Variants in TMEM135 observed in about 807,000 individuals in gnomAD.
TMEM135 encodes the protein transmembrane protein 135.
TMEM135 carries 30 observed loss-of-function variants against 60.3 expected under a neutral mutation model. The observed-to-expected ratio is 0.50, with a 90% CI of 0.37 to 0.68. The LOEUF (loss-of-function observed/expected upper bound fraction) is 0.68. Among genes scored for constraint, TMEM135 ranks in the 30% least tolerant of loss-of-function variants. The probability of loss-of-function intolerance (pLI) is 0.00; values close to 1 mark genes in which losing one functional copy is unlikely to be tolerated. For synonymous variants in TMEM135, 190 were observed against 186.7 expected (o/e 1.02, Z -0.14); for missense variants, 468 against 548.8 (o/e 0.85, Z 1.47).
At chr11:87,271,245 A>G (rs576570487) in intron 6 of TMEM135, among the ~76,000 whole-genome samples, 1 of 152,190 alleles carries the variant, frequency 6.6e-6, no homozygotes, top group Non-Finnish European at 1.5e-5. Context: ...GTTCAATTTG[A>G]TCAATAACCA....
At position 87,324,596 on chromosome 11, in the gene TMEM135, T is replaced by A. The variant is rs766483625; in HGVS notation, c.*3263T>A. 2.3e-5 allele frequency: 10 copies of A among 439,888 alleles called. No individual in the cohort carries two copies. The highest frequency in any genetic ancestry group is 1.7e-4 in the South Asian group (10 of 60,138). 27.2% of individuals were successfully genotyped at this position (439,888 alleles called of 1,614,324 possible). Reference sequence around the variant, plus strand: ...CACCATGCCTGGCTAATATTTATTTTATTTATTTTTTTTTTGTAGAAACAA... The same window carrying A: ...CACCATGCCTGGCTAATATTTATTTAATTTATTTTTTTTTTGTAGAAACAA... On this transcript the variant is annotated 3_prime_UTR_variant, in exon 15 of 15. Coordinates refer to ENST00000305494, the MANE Select transcript of TMEM135 (RefSeq NM_022918.4).
chr11:87,171,336 G>T (rs966702409), intron 5 of TMEM135, among the ~76,000 whole-genome samples: 2 of 117,596 alleles, frequency 1.7e-5, no homozygotes, highest in African/African-American at 6.7e-5. Flanking sequence ...AGACAGTGTA[G>T]TGTTTTTTTT....
chr11:87,175,382 G>C (rs749489209), intron 5 of TMEM135, among the ~76,000 whole-genome samples: 1 of 152,138 alleles, frequency 6.6e-6, no homozygotes, highest in South Asian at 2.1e-4. Context: ...ATTTTGAAAA[G>C]TTGGTGTAGA....
At chr11:87,079,843 C>CTT (rs139184730) in intron 3 of TMEM135, among the ~76,000 whole-genome samples, 6 of 107,936 alleles carry the variant, frequency 5.6e-5, no homozygotes, top group African/African-American at 7.6e-5. Flanking sequence ...CTTTTCTTTT[C>CTT]TTTTTTTTTT....
intron 6 of TMEM135, among the ~76,000 whole-genome samples, chr11:87,275,953 C>T (rs1227362939): frequency 1.3e-5 from 2 of 152,232 alleles, no homozygotes; most frequent in East Asian, 1.9e-4. Flanking sequence ...TGAGCCACCG[C>T]GCCTGGCCGC....
intron 5 of TMEM135, among the ~76,000 whole-genome samples, chr11:87,179,578 A>C (rs774842349): frequency 1.3e-5 from 2 of 152,092 alleles, no homozygotes; most frequent in African/African-American, 4.8e-5. Context: ...TCTTTGTTTC[A>C]TCTTTTAAAT....
intron 5 of TMEM135, among the ~76,000 whole-genome samples, chr11:87,197,846 A>G (rs998607062): frequency 2.0e-5 from 3 of 152,290 alleles, no homozygotes; most frequent in South Asian, 2.1e-4. Context: ...AAGAAAATGT[A>G]TATTTTATTT....
intron 5 of TMEM135, among the ~76,000 whole-genome samples, chr11:87,188,340 G>A (rs1252475247): frequency 3.3e-5 from 5 of 152,110 alleles, no homozygotes. Context: ...TCTGTATTTT[G>A]TCTCGTTTTA....
chr11:87,145,947 T>C (rs560264315), intron 4 of TMEM135, among the ~76,000 whole-genome samples: 19 of 152,320 alleles, frequency 1.2e-4, no homozygotes, highest in African/African-American at 4.1e-4. Flanking sequence ...TTCCCATTTG[T>C]CTATTTTTGT....
At chr11:87,177,599 C>T (rs967564733) in intron 5 of TMEM135, among the ~76,000 whole-genome samples, 1 of 152,016 alleles carries the variant, frequency 6.6e-6, no homozygotes, top group East Asian at 1.9e-4. Flanking sequence ...ATATTTCTAT[C>T]ACTCTAAAAA....
intron 5 of TMEM135, among the ~76,000 whole-genome samples, chr11:87,229,320 C>A (rs1940836369): frequency 6.6e-6 from 1 of 151,894 alleles, no homozygotes; most frequent in Admixed American, 6.6e-5. Context: ...AACCAACCAA[C>A]CAGCCAACCA....
At chr11:87,192,399 CT>C (rs1361997830) in intron 5 of TMEM135, among the ~76,000 whole-genome samples, 3 of 151,494 alleles carry the variant, frequency 2.0e-5, no homozygotes, top group African/African-American at 4.8e-5. Context: ...AAGATTGTTT[CT>C]TTTTTTTGCT....
At chr11:87,141,045 T>C (rs1407885506) in intron 4 of TMEM135, among the ~76,000 whole-genome samples, 1 of 18,972 alleles carries the variant, frequency 5.3e-5, no homozygotes, top group East Asian at 8.2e-3. Flanking sequence ...ACTTTGTTCT[T>C]TTTTTTTTTT....
chr11:87,308,214 A>C (rs1025787423), intron 9 of TMEM135, among the ~76,000 whole-genome samples: 4 of 152,206 alleles, frequency 2.6e-5, no homozygotes, highest in Non-Finnish European at 5.9e-5. Context: ...TTGGCAGATA[A>C]CAGGCATTCA....
chr11:87,073,139 A>G (rs1856802711), intron 3 of TMEM135, among the ~76,000 whole-genome samples: 1 of 152,052 alleles, frequency 6.6e-6, no homozygotes, highest in South Asian at 2.1e-4. Context: ...TGGTTAAGCA[A>G]TTCTCTTGCT....
intron 5 of TMEM135, among the ~76,000 whole-genome samples, chr11:87,196,096 T>G (rs1270071037): frequency 6.6e-6 from 1 of 152,154 alleles, no homozygotes; most frequent in Non-Finnish European, 1.5e-5. Flanking sequence ...GCTGGAATTA[T>G]TACCCAAGAA....
At chr11:87,194,655 C>A (rs1321569185) in intron 5 of TMEM135, among the ~76,000 whole-genome samples, 1 of 152,054 alleles carries the variant, frequency 6.6e-6, no homozygotes, top group African/African-American at 2.4e-5. Flanking sequence ...CTTCTTGTTC[C>A]TAATTTATTA....
intron 12 of TMEM135, among the ~76,000 whole-genome samples, chr11:87,317,228 TTCTA>T (rs1434110967): frequency 5.3e-5 from 8 of 152,236 alleles, no homozygotes; most frequent in South Asian, 4.1e-4. Context: ...AACGCAGTTA[TTCTA>T]TCTATTGGGA....
chr11:87,181,215 A>C (rs1939505945), intron 5 of TMEM135, among the ~76,000 whole-genome samples: 1 of 152,210 alleles, frequency 6.6e-6, no homozygotes, highest in Admixed American at 6.5e-5. Context: ...GTTCAACAGC[A>C]GAATGGAGGG....
Sources: allele counts gnomAD v4.1 joint callset (sites outside exome capture counted in the v4.1 genomes callset), GRCh38; gene constraint gnomAD v4.1.1; transcripts MANE v1.5; gene names NCBI Gene and HGNC (gene_info 2026-07-23, HGNC 2026-07-21).